Variants in REXO5 observed in about 807,000 individuals in gnomAD.
REXO5 encodes the protein exonuclease NEF-sp.
Under a neutral mutation model 88.5 loss-of-function variants are expected in REXO5, and 48 were observed. That is an observed-to-expected ratio of 0.54 (90% confidence interval 0.43 to 0.69). The LOEUF (loss-of-function observed/expected upper bound fraction) is 0.69. Among genes scored for constraint, REXO5 ranks in the 30% least tolerant of loss-of-function variants. The pLI, the probability that REXO5 is intolerant of heterozygous loss-of-function variation, is 0.00. For missense variants in REXO5, 749 were observed against 912.2 expected (o/e 0.82, Z 2.30); for synonymous variants, 311 against 336.5 (o/e 0.92, Z 0.83).
intron 2 of REXO5, 122 bp from the exon 3 acceptor site, chr16:20,813,068 A>C: frequency 1.4e-6 from 1 of 697,280 alleles, no homozygotes. Flanking sequence ...ATTAATTAGC[A>C]CTTCCTTATG....
intron 15 of REXO5, among the ~76,000 whole-genome samples, chr16:20,842,206 C>T (rs1367323891): frequency 6.6e-6 from 1 of 152,070 alleles, no homozygotes; most frequent in Non-Finnish European, 1.5e-5. Context: ...TTACCCCTCC[C>T]CCCAGCCCCT....
rs774681274 is a variant in REXO5 at position 20,828,394 on chromosome 16, A to T, written c.1056-41A>T. 8.8e-6 allele frequency: 11 copies of T among 1,249,146 alleles called. No individual in the cohort carries two copies. The African/African-American group carries it at 8.9e-5, about 10-fold the overall frequency. 77.4% of individuals were successfully genotyped at this position (1,249,146 alleles called of 1,614,324 possible). On this transcript the variant is annotated intron_variant, in intron 10 of 19. Transcript: ENST00000261377. ...GAGATGGTTGAAAAAGCCTATCATT[A>T]AAAGTGCTTCCAGTATGTCAATTTT...
intron 3 of REXO5, 51 bp downstream of exon 3, chr16:20,813,353 T>C (rs763442218): frequency 5.7e-5 from 54 of 939,236 alleles, no homozygotes; most frequent in Non-Finnish European, 7.5e-5. Context: ...TCTTTTTTTT[T>C]TTTTTTTTTT....
rs777972450 is a variant in REXO5, at chr16:20,849,411, A to T, written c.2256A>T (p.Ser752=). The T allele has an allele frequency of 2.5e-6, 4 of 1,613,864 alleles. No homozygotes were observed. The Admixed American group carries it at 6.7e-5, about 27-fold the overall frequency. The change falls in exon 20 of 20, where the codon TCA becomes TCT. Residue 752 remains serine, a synonymous_variant. Coordinates refer to ENST00000261377, the MANE Select transcript of REXO5 (RefSeq NM_030941.3). The stretch of plus-strand genomic sequence containing the variant: ...TTATTTATTGCAGCACTCATGGTTC[A>T]CTCTCTGGTCTAGGACTGATGGGAA... ...LLPGTKSTHG[S]LSGLGLMGIK... is the part of the protein sequence containing the mutation.
chr16:20,815,043 C>T lies in REXO5; in HGVS notation c.368C>T (p.Ala123Val). Residue 123 changes from alanine to valine, a missense_variant, in exon 4 of 20, where the codon GCA becomes GTA. Physicochemically the swap from Ala to Val is moderately conservative, Grantham distance 64 (BLOSUM62 0). Coordinates refer to ENST00000261377, the MANE Select transcript of REXO5 (RefSeq NM_030941.3). Reference sequence around the variant, plus strand: ...TTGGAGTTTGGATGTCTTCGAAAAGCATTCAGACATGTAAGTTAAGAATAC... The same window carrying T: ...TTGGAGTTTGGATGTCTTCGAAAAGTATTCAGACATGTAAGTTAAGAATAC... ...FYLEFGCLRKAFRHKFRLPPP... is the reference protein window; with the variant it reads ...FYLEFGCLRKVFRHKFRLPPP... 6.2e-7 allele frequency: 1 copy of T among 1,611,616 alleles called. No homozygotes were observed. The highest frequency in any genetic ancestry group is 1.3e-5 in the African/African-American group (1 of 74,918).
At chr16:20,814,830 C>G in intron 3 of REXO5, 97 bp from the exon 4 acceptor site, 1 of 1,249,532 alleles carries the variant, frequency 8.0e-7, no homozygotes, top group Non-Finnish European at 1.1e-6. Context: ...CTCTCACTCA[C>G]TGCTTTTCCT....
chr16:20,817,822 G>GT (rs552442647), intron 5 of REXO5, among the ~76,000 whole-genome samples: 1 of 152,308 alleles, frequency 6.6e-6, no homozygotes, highest in South Asian at 2.1e-4. Flanking sequence ...AATGACTCCT[G>GT]TATCTTTATC....
chr16:20,826,107 AC>A (rs1055451681), intron 8 of REXO5, among the ~76,000 whole-genome samples, 159 bp downstream of exon 8: 5 of 152,242 alleles, frequency 3.3e-5, no homozygotes, highest in Admixed American at 2.6e-4. Flanking sequence ...CTGAAATTGC[AC>A]AATGTCAGTG....
chr16:20,832,211 G>T lies in REXO5; in HGVS notation c.1214G>T (p.Gly405Val), dbSNP rs762845222. Residue 405 changes from glycine to valine, a missense_variant, in exon 12 of 20, where the codon GGC becomes GTC. Gly to Val is a moderately radical substitution (Grantham distance 109, BLOSUM62 -3). Transcript: ENST00000261377. The stretch of plus-strand genomic sequence containing the variant: ...AATCACCAAGAAATACAAGCAGCAG[G>T]CCAAGAGCCTAAAAACACAGCAGAA... Reference protein sequence around the residue: ...LANHQEIQAAGQEPKNTAEVL... With the variant: ...LANHQEIQAAVQEPKNTAEVL... 14 of 1,611,848 alleles carry T rather than the reference G, an allele frequency of 8.7e-6. No individual in the cohort carries two copies. Among genetic ancestry groups the T allele is most frequent in the African/African-American group, 2.7e-5 (2 of 74,712 alleles).
chr16:20,820,240 A>C (rs1032639224), intron 5 of REXO5, among the ~76,000 whole-genome samples: 4 of 151,866 alleles, frequency 2.6e-5, no homozygotes, highest in Admixed American at 2.0e-4. Context: ...TTCTTTCTTC[A>C]TTACTGGTCT....
At position 20,846,266 on chromosome 16, in the gene REXO5, C is replaced by T. The variant is rs142242287; in HGVS notation, c.2170C>T (p.Arg724Trp). 21 of 1,613,898 alleles carry T rather than the reference C, an allele frequency of 1.3e-5. No individual in the cohort carries two copies. The highest frequency in any genetic ancestry group is 4.5e-5 in the East Asian group (2 of 44,878). Residue 724 changes from arginine (R) to tryptophan (W), a missense_variant, in exon 19 of 20, where the codon CGG (arginine) becomes TGG (tryptophan). Physicochemically the swap from Arg to Trp is moderately radical, Grantham distance 101 (BLOSUM62 -3). Transcript: ENST00000261377. ...GAAGATAGCAGCCTGGCGCTGGAGC[C>T]GGAAGATTGGAAAGCTCTACAACAG... ...HPKIAAWRWS[R>W]KIGKLYNSLC...
intron 11 of REXO5, among the ~76,000 whole-genome samples, chr16:20,831,340 C>T (rs1229881050): frequency 6.6e-6 from 1 of 152,078 alleles, no homozygotes; most frequent in Non-Finnish European, 1.5e-5. Flanking sequence ...CTGGAAACCC[C>T]AGGATTCTCA....
chr16:20,815,646 T>C (rs1339749009), intron 4 of REXO5, among the ~76,000 whole-genome samples: 1 of 152,230 alleles, frequency 6.6e-6, no homozygotes, highest in Non-Finnish European at 1.5e-5. Flanking sequence ...AATAGTCTTA[T>C]AAAATAGATA....
In REXO5 at chr16:20,821,790, C is replaced by T. The variant is rs1032647117; in HGVS notation, c.504C>T (p.Ala168=). Residue 168 remains alanine, a synonymous_variant, in exon 6 of 20, where the codon GCC becomes GCT. Coordinates refer to ENST00000261377, the MANE Select transcript of REXO5 (RefSeq NM_030941.3). ...EGPLPSNAKA[A]INLQDDPIIQ... ...CTTTACCTTCTAATGCAAAAGCCGC[C>T]ATCAACCTTCAGGATGATCCCATCA... 6.3e-7 allele frequency: 1 copy of T among 1,596,022 alleles called. No homozygotes were observed. Among genetic ancestry groups the T allele is most frequent in the African/African-American group, 1.4e-5 (1 of 73,906 alleles).
Position 20,819,710 on chromosome 16 carries a change from G to A in REXO5, c.476-2052G>A, listed in dbSNP as rs571112462. Among the ~76,000 whole-genome samples, 584 of 150,624 alleles carry A rather than the reference G, an allele frequency of 3.9e-3. 2 individuals are homozygous for A. Among genetic ancestry groups the A allele is most frequent in the African/African-American group, 0.014 (566 of 41,072 alleles). On this transcript the variant is annotated intron_variant, in intron 5 of 19. Transcript: ENST00000261377. ...GCAGAGGTTACAGTGAGCCGAGATC[G>A]CGCCATTGCACTCCAGCCTGGGCAA...
intron 2 of REXO5, among the ~76,000 whole-genome samples, chr16:20,808,417 G>T (rs1285679060): frequency 6.6e-6 from 1 of 152,108 alleles, no homozygotes; most frequent in African/African-American, 2.4e-5. Context: ...TCCTGTCTCT[G>T]CCTCTTACAG....
In REXO5 at chr16:20,827,142, T is replaced by C. The variant is rs779558101; in HGVS notation, c.906T>C (p.Pro302=). ...DVQRQLKALL[P]PDAVLVGHSL... Reference sequence around the variant, plus strand: ...AGAGGCAGTTAAAAGCACTGCTTCCTCCTGATGCTGTGTTAGTGGGCCACT... The same window carrying C: ...AGAGGCAGTTAAAAGCACTGCTTCCCCCTGATGCTGTGTTAGTGGGCCACT... The change falls in exon 9 of 20, where the codon CCT becomes CCC. Residue 302 remains proline, a synonymous_variant. Coordinates refer to ENST00000261377, the MANE Select transcript of REXO5 (RefSeq NM_030941.3). 43 of 1,614,000 alleles carry C rather than the reference T, an allele frequency of 2.7e-5. No individual in the cohort carries two copies. Among genetic ancestry groups the C allele is most frequent in the Non-Finnish European group, 1.1e-5 (13 of 1,179,984 alleles).
chr16:20,824,342 T>G, intron 6 of REXO5, 97 bp from the exon 7 acceptor site: 4 of 663,826 alleles, frequency 6.0e-6, no homozygotes, highest in South Asian at 5.3e-5. Context: ...CATATCTGAC[T>G]AAAATATCTA....
chr16:20,843,804 G>A (rs946039267), intron 15 of REXO5, 130 bp from the exon 16 acceptor site: 2 of 547,866 alleles, frequency 3.7e-6, no homozygotes, highest in South Asian at 2.9e-5. Flanking sequence ...ATCAATACTT[G>A]TGTAGCCCAG....
Sources: gnomAD v4.1 joint callset for allele counts (sites outside exome capture counted in the v4.1 genomes callset) on GRCh38, gnomAD v4.1.1 for gene constraint, MANE v1.5 for transcripts, NCBI Gene and HGNC (gene_info 2026-07-23, HGNC 2026-07-21) for gene names.